GPC6: variants seen among roughly 807,000 people sequenced by gnomAD.
The protein encoded by GPC6 is glypican-6.
In GPC6, 14 loss-of-function variants were observed where a neutral mutation model predicts 55.2. That is an observed-to-expected ratio of 0.25 (90% CI 0.17 to 0.40). The LOEUF (loss-of-function observed/expected upper bound fraction) is 0.40. Among genes scored for constraint, GPC6 ranks in the 10% least tolerant of loss-of-function variants. GPC6 has a pLI of 1.00. For missense variants in GPC6, 641 were observed against 708.5 expected (o/e 0.90, Z 1.08); for synonymous variants, 278 against 259.6 (o/e 1.07, Z -0.68).
At chr13:93,725,583 G>A (rs1167341905) in intron 2 of GPC6, among the ~76,000 whole-genome samples, 1 of 151,956 alleles carries the variant, frequency 6.6e-6, no homozygotes, top group Non-Finnish European at 1.5e-5. Flanking sequence ...CCCATGCCCG[G>A]TAAAGATTTG....
chr13:93,225,246 C>T (rs187125471), upstream of GPC6, among the ~76,000 whole-genome samples: 2 of 152,260 alleles, frequency 1.3e-5, no homozygotes, highest in East Asian at 1.9e-4. Context: ...AAGGAAGTCA[C>T]GTTGTCAAAT....
intron 3 of GPC6, among the ~76,000 whole-genome samples, chr13:93,846,051 T>C (rs1173609729): frequency 6.6e-6 from 1 of 152,136 alleles, no homozygotes; most frequent in Non-Finnish European, 1.5e-5. Flanking sequence ...CTACTATTTC[T>C]GATGTTAGGA....
chr13:93,496,476 C>T lies in GPC6; in HGVS notation c.161-48787C>T, dbSNP rs369435978. ...AAATGCAGAAATCACCCGTCTTCTGCGTCGCTCATGCTGGGAGCTGTAGAC... is the reference window on the plus strand; with the variant it reads ...AAATGCAGAAATCACCCGTCTTCTGTGTCGCTCATGCTGGGAGCTGTAGAC... On this transcript the variant is annotated intron_variant, in intron 1 of 8. Coordinates refer to ENST00000377047, the MANE Select transcript of GPC6 (RefSeq NM_005708.5). Among the ~76,000 whole-genome samples, 23 of 152,194 alleles carry T rather than the reference C, an allele frequency of 1.5e-4. 1 individual carries two copies. Among genetic ancestry groups the T allele is most frequent in the Admixed American group, 1.0e-3 (16 of 15,280 alleles).
intron 4 of GPC6, among the ~76,000 whole-genome samples, chr13:94,068,853 G>A (rs934083534): frequency 6.6e-6 from 1 of 152,178 alleles, no homozygotes; most frequent in Admixed American, 6.5e-5. Flanking sequence ...GTTTTGCAGG[G>A]TACGGCCTCC....
intron 1 of GPC6, among the ~76,000 whole-genome samples, chr13:93,255,126 A>C (rs778649642): frequency 4.6e-5 from 7 of 152,216 alleles, no homozygotes; most frequent in Non-Finnish European, 1.0e-4. Flanking sequence ...AGAAGGCAAG[A>C]GGTGATGAAA....
intron 1 of GPC6, among the ~76,000 whole-genome samples, chr13:93,388,555 T>C (rs2139214211): frequency 6.6e-6 from 1 of 152,274 alleles, no homozygotes; most frequent in East Asian, 1.9e-4. Flanking sequence ...GGTCACCAAT[T>C]AAGCTGAATA....
intron 1 of GPC6, among the ~76,000 whole-genome samples, chr13:93,457,873 A>G (rs1006745722): frequency 6.6e-6 from 1 of 152,142 alleles, no homozygotes; most frequent in Non-Finnish European, 1.5e-5. Context: ...CGAAGTCTTG[A>G]CAAGATTTGT....
At chr13:93,604,766 G>T (rs1341152652) in intron 2 of GPC6, among the ~76,000 whole-genome samples, 2 of 152,176 alleles carry the variant, frequency 1.3e-5, no homozygotes, top group Non-Finnish European at 2.9e-5. Flanking sequence ...ATTTCATTAA[G>T]AATTTATCAG....
chr13:93,283,252 G>A (rs930104823), intron 1 of GPC6, among the ~76,000 whole-genome samples: 1 of 152,064 alleles, frequency 6.6e-6, no homozygotes, highest in Non-Finnish European at 1.5e-5. Flanking sequence ...TTTATCTTTA[G>A]TTAGCCTTGA....
At chr13:94,016,353 C>T (rs971245440) in intron 3 of GPC6, among the ~76,000 whole-genome samples, 3 of 152,124 alleles carry the variant, frequency 2.0e-5, no homozygotes, top group African/African-American at 7.2e-5. Flanking sequence ...AATCTAATGC[C>T]TCCACTGATC....
At chr13:93,349,686 AAAAT>A (rs1254944327) in intron 1 of GPC6, among the ~76,000 whole-genome samples, 3 of 152,208 alleles carry the variant, frequency 2.0e-5, no homozygotes, top group African/African-American at 2.4e-5. Flanking sequence ...TCTACATAGA[AAAAT>A]AAATATTTTA....
At chr13:93,355,716 A>T (rs1880822856) in intron 1 of GPC6, among the ~76,000 whole-genome samples, 1 of 152,172 alleles carries the variant, frequency 6.6e-6, no homozygotes, top group Admixed American at 6.5e-5. Context: ...CAGTGTATTG[A>T]CTGGGGTTCT....
intron 1 of GPC6, among the ~76,000 whole-genome samples, chr13:93,340,710 GA>G (rs1278953230): frequency 2.0e-5 from 3 of 152,172 alleles, no homozygotes; most frequent in Non-Finnish European, 4.4e-5. Flanking sequence ...GATAAGGTTG[GA>G]GGCCTATAGG....
At chr13:94,339,826 C>G (rs1019664442) in intron 6 of GPC6, among the ~76,000 whole-genome samples, 1 of 134,806 alleles carries the variant, frequency 7.4e-6, no homozygotes. Context: ...TGCAATGGCA[C>G]GATCTGGGCT....
intron 3 of GPC6, among the ~76,000 whole-genome samples, chr13:93,861,420 AAG>A: frequency 6.6e-6 from 1 of 151,472 alleles, no homozygotes; most frequent in South Asian, 2.1e-4. Flanking sequence ...AAAAAAAAAA[AAG>A]AAAATATTCA....
rs546112990 is a variant in GPC6 at position 94,083,329 on chromosome 13, A to G, written c.877+55435A>G. Among the ~76,000 whole-genome samples the G allele has an allele frequency of 5.3e-5, 8 of 152,264 alleles. No individual in the cohort carries two copies. The East Asian group carries it at 5.8e-4, about 11-fold the overall frequency. ...GAGATGGGGTTTCACCGTGTTAGCC[A>G]GGATGGTCTCGATCTCCTGACCTTG... On this transcript the variant is annotated intron_variant, in intron 4 of 8. Coordinates refer to ENST00000377047, the MANE Select transcript of GPC6 (RefSeq NM_005708.5).
chr13:94,099,311 G>A (rs1226154260), intron 4 of GPC6, among the ~76,000 whole-genome samples: 1 of 152,076 alleles, frequency 6.6e-6, no homozygotes, highest in African/African-American at 2.4e-5. Flanking sequence ...GAAATAAAGA[G>A]ATATAATGTT....
chr13:93,989,429 A>G (rs1312072535), intron 3 of GPC6, among the ~76,000 whole-genome samples: 1 of 152,214 alleles, frequency 6.6e-6, no homozygotes, highest in Non-Finnish European at 1.5e-5. Context: ...ACCTGCTGGT[A>G]ATTCGAATCT....
chr13:93,325,136 G>A (rs1272969506), intron 1 of GPC6, among the ~76,000 whole-genome samples: 1 of 152,132 alleles, frequency 6.6e-6, no homozygotes, highest in African/African-American at 2.4e-5. Context: ...TAGACATTAA[G>A]AAGGTGTTTC....
Sources: gnomAD v4.1 joint callset for allele counts (sites outside exome capture counted in the v4.1 genomes callset) on GRCh38, gnomAD v4.1.1 for gene constraint, MANE v1.5 for transcripts, NCBI Gene and HGNC (gene_info 2026-07-23, HGNC 2026-07-21) for gene names.